CPNE4: variants seen among roughly 807,000 people sequenced by gnomAD.
CPNE4 encodes the protein copine-4.
Under a neutral mutation model 67.9 loss-of-function variants are expected in CPNE4, and 25 were observed. That is an observed-to-expected ratio of 0.37 (90% confidence interval 0.27 to 0.51). The LOEUF is 0.51. CPNE4 is among the 20% of genes least tolerant of loss of function. CPNE4 has a pLI of 0.93. For missense variants in CPNE4, 464 were observed against 690.8 expected (o/e 0.67, Z 3.68); for synonymous variants, 242 against 244.9 (o/e 0.99, Z 0.11).
chr3:132,003,501 C>T (rs373060011), intron 1 of CPNE4, among the ~76,000 whole-genome samples: 1 of 151,974 alleles, frequency 6.6e-6, no homozygotes, highest in African/African-American at 2.4e-5. Context: ...ATTCAGAGAG[C>T]AGGTGTGTGA....
intron 3 of CPNE4, among the ~76,000 whole-genome samples, chr3:131,715,987 C>T (rs1583068446): frequency 1.3e-5 from 2 of 152,254 alleles, no homozygotes; most frequent in African/African-American, 4.8e-5. Context: ...GATGCATCCC[C>T]CTCATCCATC....
At chr3:131,757,820 C>T (rs1248780076) in intron 2 of CPNE4, among the ~76,000 whole-genome samples, 1 of 152,166 alleles carries the variant, frequency 6.6e-6, no homozygotes, top group African/African-American at 2.4e-5. Flanking sequence ...TGCCCTGTGT[C>T]CCAACCACTC....
At chr3:131,612,460 C>T (rs1473355146) in intron 7 of CPNE4, among the ~76,000 whole-genome samples, 1 of 152,152 alleles carries the variant, frequency 6.6e-6, no homozygotes, top group Non-Finnish European at 1.5e-5. Context: ...AATTGGGCCT[C>T]TGTGGTTAGG....
intron 7 of CPNE4, among the ~76,000 whole-genome samples, chr3:131,659,074 T>A (rs936361524): frequency 6.6e-6 from 1 of 152,182 alleles, no homozygotes; most frequent in African/African-American, 2.4e-5. Context: ...TTGAGGCAAC[T>A]TTTTCAGTTT....
chr3:131,868,538 G>T (rs1231035917), intron 2 of CPNE4, among the ~76,000 whole-genome samples: 1 of 152,158 alleles, frequency 6.6e-6, no homozygotes, highest in Non-Finnish European at 1.5e-5. Flanking sequence ...ATAAATTTAT[G>T]TTTGGTTTCA....
intron 2 of CPNE4, among the ~76,000 whole-genome samples, chr3:131,897,254 T>C (rs908164529): frequency 1.3e-5 from 2 of 152,108 alleles, no homozygotes; most frequent in East Asian, 1.9e-4. Context: ...CTAATCCCAC[T>C]TCTCACTAGT....
intron 11 of CPNE4, among the ~76,000 whole-genome samples, chr3:131,557,117 G>T (rs548922035): frequency 1.3e-5 from 2 of 152,118 alleles, no homozygotes; most frequent in Non-Finnish European, 2.9e-5. Context: ...CAGTAATCTG[G>T]CCCCCTGCCT....
At chr3:131,857,866 T>A (rs1013697088) in intron 2 of CPNE4, among the ~76,000 whole-genome samples, 1 of 151,914 alleles carries the variant, frequency 6.6e-6, no homozygotes, top group African/African-American at 2.4e-5. Flanking sequence ...ACATAGCAAT[T>A]TCCAGCAGGT....
chr3:131,751,304 A>G lies in CPNE4; in HGVS notation c.181-27679T>C, dbSNP rs565658718. On this transcript the variant is annotated intron_variant, in intron 2 of 15. Transcript: ENST00000429747. ...CACGAATATTCCATCTTATAGTTCC[A>G]CAGGTTTCTGAAGTGTTATTCATTG... Among the ~76,000 whole-genome samples, 99 of 152,090 alleles carry G rather than the reference A, an allele frequency of 6.5e-4. No individual in the cohort carries two copies. In the South Asian group the frequency reaches 0.02, roughly 30 times the overall value.
At chr3:131,963,171 A>G (rs556666949) in intron 1 of CPNE4, among the ~76,000 whole-genome samples, 11 of 152,140 alleles carry the variant, frequency 7.2e-5, no homozygotes, top group African/African-American at 2.6e-4. Context: ...CCCCTCCCTC[A>G]GCCAAAGGGA....
At chr3:131,804,473 T>G (rs1174293766) in intron 2 of CPNE4, among the ~76,000 whole-genome samples, 3 of 152,210 alleles carry the variant, frequency 2.0e-5, no homozygotes, top group Non-Finnish European at 4.4e-5. Context: ...CATATCAGAC[T>G]GCTTTATATA....
intron 2 of CPNE4, among the ~76,000 whole-genome samples, chr3:131,750,028 T>A (rs1337406171): frequency 6.6e-6 from 1 of 152,136 alleles, no homozygotes; most frequent in Non-Finnish European, 1.5e-5. Context: ...TATACTAGCT[T>A]AGGTCTCTCT....
rs772123965 is a variant in CPNE4, at chr3:131,535,286, G to T, written c.1583C>A (p.Pro528Gln). Residue 528 changes from proline to glutamine, a missense_variant, in exon 16 of 16, where the codon CCA becomes CAA. Physicochemically the swap from Pro to Gln is moderately conservative, Grantham distance 76. Around this residue, in one of 6 missense-constraint regions of CPNE4, gnomAD observed 201 missense variants for 357.7 expected, o/e 0.56. Coordinates refer to ENST00000429747, the MANE Select transcript of CPNE4 (RefSeq NM_130808.3). Reference sequence around the variant, plus strand: ...ATTGTAATAGTCCACAACTTGGTTTGGGACTTCAGCCAGCACGCTCTTTGC... The same window carrying T: ...ATTGTAATAGTCCACAACTTGGTTTTGGACTTCAGCCAGCACGCTCTTTGC... ...ALAKSVLAEVPNQVVDYYNGK... is the reference protein window; with the variant it reads ...ALAKSVLAEVQNQVVDYYNGK... 1 of 1,613,744 alleles carries T rather than the reference G, an allele frequency of 6.2e-7. No homozygotes were observed. Among genetic ancestry groups the T allele is most frequent in the Non-Finnish European group, 8.5e-7 (1 of 1,179,952 alleles).
intron 1 of CPNE4, among the ~76,000 whole-genome samples, chr3:132,028,142 T>C (rs1452828663): frequency 6.6e-6 from 1 of 152,182 alleles, no homozygotes; most frequent in Non-Finnish European, 1.5e-5. Flanking sequence ...TAAGAATACA[T>C]ACAAACCAAA....
chr3:131,843,427 G>A (rs2085871721), intron 2 of CPNE4, among the ~76,000 whole-genome samples: 1 of 152,192 alleles, frequency 6.6e-6, no homozygotes, highest in Non-Finnish European at 1.5e-5. Flanking sequence ...CTCAAATAAA[G>A]AGGGCAAAGC....
chr3:131,831,090 T>C (rs1433703574), intron 2 of CPNE4, among the ~76,000 whole-genome samples: 4 of 152,110 alleles, frequency 2.6e-5, no homozygotes, highest in Non-Finnish European at 5.9e-5. Context: ...ACAATTTTTC[T>C]AGGTAGTTCA....
chr3:131,953,238 T>TAAAA (rs369308316), intron 1 of CPNE4, among the ~76,000 whole-genome samples: 7 of 75,682 alleles, frequency 9.2e-5, no homozygotes, highest in South Asian at 4.6e-4. Context: ...GAATGATCAA[T>TAAAA]TAAAAAAAAA....
chr3:131,825,051 G>A lies in CPNE4; in HGVS notation c.180+80213C>T, dbSNP rs116716904. Among the ~76,000 whole-genome samples the A allele has an allele frequency of 6.8e-3, 1,035 of 152,230 alleles. 14 individuals carry two copies. The highest frequency in any genetic ancestry group is 0.024 in the African/African-American group (1,000 of 41,546). Reference sequence around the variant, plus strand: ...CTTTGAAGGACCTAAGAGCTTCAGAGCCCGACAAGGGATCTACTGGGAGAT... The same window carrying A: ...CTTTGAAGGACCTAAGAGCTTCAGAACCCGACAAGGGATCTACTGGGAGAT... On this transcript the variant is annotated intron_variant, in intron 2 of 15. Transcript: ENST00000429747.
At chr3:131,659,646 C>T (rs548425895) in intron 7 of CPNE4, among the ~76,000 whole-genome samples, 1 of 152,126 alleles carries the variant, frequency 6.6e-6, no homozygotes, top group Non-Finnish European at 1.5e-5. Context: ...TGACCATGGA[C>T]AATTTTTTCA....
Sources: allele counts gnomAD v4.1 joint callset (sites outside exome capture counted in the v4.1 genomes callset), GRCh38; gene constraint gnomAD v4.1.1; regional missense constraint gnomAD v4.1.1; transcripts MANE v1.5; gene names NCBI Gene and HGNC (gene_info 2026-07-23, HGNC 2026-07-21).